The following SPAG16 variants were observed in gnomAD, a reference collection of about 807,000 sequenced individuals.
SPAG16 encodes sperm-associated antigen 16 protein.
In SPAG16, 86 loss-of-function variants were observed where a neutral mutation model predicts 80.4. The observed-to-expected ratio is 1.07, with a 90% CI of 0.90 to 1.28. The LOEUF is 1.28. SPAG16 is among the 50% of genes most tolerant of loss of function. SPAG16 has a pLI of 0.00. For missense variants in SPAG16, 870 were observed against 765.3 expected, an observed-to-expected ratio of 1.14 and a Z score of -1.61; for synonymous variants, 294 against 265.9, an observed-to-expected ratio of 1.11 and a Z score of -1.03.
intron 15 of SPAG16, among the ~76,000 whole-genome samples, chr2:214,195,667 G>A (rs2057815222): frequency 1.3e-5 from 2 of 151,942 alleles, no homozygotes; most frequent in African/African-American, 4.8e-5. Flanking sequence ...TAGTGTCTGA[G>A]GTCATTACTG....
chr2:213,776,930 G>A (rs2125568964), intron 10 of SPAG16, among the ~76,000 whole-genome samples: 1 of 142,482 alleles, frequency 7.0e-6, no homozygotes, highest in East Asian at 2.1e-4. Flanking sequence ...AGAAGGAAAT[G>A]TTGATGGGTC....
chr2:213,856,737 C>T (rs1366802062), intron 10 of SPAG16, among the ~76,000 whole-genome samples: 2 of 152,160 alleles, frequency 1.3e-5, no homozygotes, highest in Non-Finnish European at 2.9e-5. Context: ...TGCTGGGATG[C>T]AGGGCACCGA....
intron 10 of SPAG16, among the ~76,000 whole-genome samples, chr2:213,599,809 C>T (rs2061000817): frequency 1.3e-5 from 2 of 152,192 alleles, no homozygotes; most frequent in Non-Finnish European, 2.9e-5. Flanking sequence ...TCAAGCAATT[C>T]TCCTGCCTCA....
intron 13 of SPAG16, among the ~76,000 whole-genome samples, chr2:214,094,881 T>TAAA (rs1559785374): frequency 1.3e-5 from 2 of 152,024 alleles, no homozygotes; most frequent in Admixed American, 1.3e-4. Flanking sequence ...ACGTCCCAGG[T>TAAA]GCATCATCCA....
At chr2:213,541,853 C>A (rs573707968) in intron 10 of SPAG16, among the ~76,000 whole-genome samples, 1 of 152,154 alleles carries the variant, frequency 6.6e-6, no homozygotes, top group Non-Finnish European at 1.5e-5. Flanking sequence ...ATTGTTTTTT[C>A]CATAATTTAA....
At chr2:213,893,111 C>T (rs1284529430) in intron 11 of SPAG16, among the ~76,000 whole-genome samples, 1 of 152,064 alleles carries the variant, frequency 6.6e-6, no homozygotes, top group Non-Finnish European at 1.5e-5. Context: ...TGGAAACAGA[C>T]ATCTCAACAG....
chr2:214,410,311 C>T lies in SPAG16; in HGVS notation c.1892C>T (p.Ser631Phe). The T allele has an allele frequency of 6.3e-7, 1 of 1,592,304 alleles. No homozygotes were observed. The highest frequency in any genetic ancestry group is 8.6e-7 in the Non-Finnish European group (1 of 1,162,264). Residue 631 changes from serine to phenylalanine, a missense_variant, in exon 16 of 16, where the codon TCT (serine) becomes TTT (phenylalanine). Ser to Phe is a radical substitution (Grantham distance 155, BLOSUM62 -2). Coordinates refer to ENST00000331683, the MANE Select transcript of SPAG16 (RefSeq NM_024532.5). ...TCTGACGGCACAGTTCGAACGTGGTCTTGACCGTCAGCACATCCCGCTGCA... is the reference window on the plus strand; with the variant it reads ...TCTGACGGCACAGTTCGAACGTGGTTTTGACCGTCAGCACATCCCGCTGCA... ...GGSDGTVRTW[S>F]
chr2:214,238,159 C>T (rs1428588079), intron 15 of SPAG16: 4 of 436,194 alleles, frequency 9.2e-6, no homozygotes, highest in Non-Finnish European at 1.8e-5. Flanking sequence ...TCTTTATAGA[C>T]TAGGAGCTCA....
intron 10 of SPAG16, among the ~76,000 whole-genome samples, chr2:213,608,550 C>T (rs1032481078): frequency 6.6e-6 from 1 of 152,192 alleles, no homozygotes; most frequent in African/African-American, 2.4e-5. Context: ...ATATATGCCA[C>T]ATTTTCTTAA....
At chr2:213,843,190 G>A (rs564040982) in intron 10 of SPAG16, among the ~76,000 whole-genome samples, 3 of 151,878 alleles carry the variant, frequency 2.0e-5, no homozygotes, top group East Asian at 1.9e-4. Flanking sequence ...TGTGCCATGT[G>A]TAAAAAGTAA....
chr2:214,060,806 C>T (rs1030250883), intron 13 of SPAG16, among the ~76,000 whole-genome samples: 2 of 152,064 alleles, frequency 1.3e-5, no homozygotes, highest in Non-Finnish European at 2.9e-5. Flanking sequence ...GTACCTGATA[C>T]ATTACATATG....
intron 10 of SPAG16, among the ~76,000 whole-genome samples, chr2:213,500,224 G>T (rs1023325256): frequency 6.6e-6 from 1 of 152,128 alleles, no homozygotes; most frequent in Non-Finnish European, 1.5e-5. Context: ...GTGTATTCTG[G>T]ATTGAATCCA....
chr2:213,886,485 T>C (rs1404315829), intron 11 of SPAG16, among the ~76,000 whole-genome samples: 1 of 151,978 alleles, frequency 6.6e-6, no homozygotes, highest in Admixed American at 6.6e-5. Context: ...CACTTTCTGA[T>C]CCCCAACACT....
At chr2:213,873,585 G>T (rs6705513) in intron 11 of SPAG16, among the ~76,000 whole-genome samples, 89,449 of 150,758 alleles carry the variant, frequency 0.59, 28,330 homozygotes, top group South Asian at 0.85. Flanking sequence ...GTTTGGTTAT[G>T]ATTTGAGATA....
intron 5 of SPAG16, among the ~76,000 whole-genome samples, chr2:213,334,141 A>G (rs1440274780): frequency 6.6e-6 from 1 of 152,158 alleles, no homozygotes; most frequent in East Asian, 1.9e-4. Flanking sequence ...AATTAAAAAA[A>G]TGGACAAAAA....
At chr2:213,696,871 G>A (rs1053772506) in intron 10 of SPAG16, among the ~76,000 whole-genome samples, 2 of 152,164 alleles carry the variant, frequency 1.3e-5, no homozygotes, top group African/African-American at 4.8e-5. Flanking sequence ...AGGAGACCAA[G>A]AAGAGAAATA....
Position 214,193,427 on chromosome 2 carries a change from G to GTGTGTGTGTGTGT in SPAG16, c.1720+44161_1720+44162insTGTGTGTGTGTGT, listed in dbSNP as rs1491127730. 1.9e-3 allele frequency among the ~76,000 whole-genome samples: 145 copies of GTGTGTGTGTGTGT among 74,692 alleles called. 1 individual carries two copies. The highest frequency in any genetic ancestry group is 1.6e-3 in the Non-Finnish European group (62 of 37,824). The allele number at this position is 74,692 out of a possible 152,430, so 49.0% of individuals were successfully genotyped here. A position where few individuals can be genotyped will look rare whatever the true frequency, so the allele number is the denominator to read the frequency against. ...TGTGTGTGTGTGTGTGTGTGTGTATGAGAGAGAGAGAGAGAGAGAGAGAGA... is the reference window on the plus strand; with the variant it reads ...TGTGTGTGTGTGTGTGTGTGTGTATGTGTGTGTGTGTGTAGAGAGAGAGAGAGAGAGAGAGAGA... On this transcript the variant is annotated intron_variant, in intron 15 of 15. Transcript: ENST00000331683.
chr2:214,215,399 C>A (rs2125760416), intron 15 of SPAG16, among the ~76,000 whole-genome samples: 1 of 152,234 alleles, frequency 6.6e-6, no homozygotes, highest in East Asian at 1.9e-4. Context: ...GCCTATCAGG[C>A]CACCTTTGAT....
chr2:213,669,189 A>G (rs2125213710), intron 10 of SPAG16, among the ~76,000 whole-genome samples: 1 of 152,316 alleles, frequency 6.6e-6, no homozygotes, highest in South Asian at 2.1e-4. Context: ...GGCATTCTTA[A>G]CTCATAGATA....
Sources: gnomAD v4.1 joint callset for allele counts (sites outside exome capture counted in the v4.1 genomes callset) on GRCh38, gnomAD v4.1.1 for gene constraint, MANE v1.5 for transcripts, NCBI Gene and HGNC (gene_info 2026-07-23, HGNC 2026-07-21) for gene names.